The following CELF2 variants were observed in gnomAD, a reference collection of about 807,000 sequenced individuals.
CELF2 encodes the protein CUGBP Elav-like family member 2, also known as CUG triplet repeat RNA-binding protein 2.
In CELF2, 8 loss-of-function variants were observed where a neutral mutation model predicts 62.6. That is an observed-to-expected ratio of 0.13 (90% CI 0.07 to 0.23). The LOEUF is 0.23. CELF2 is among the 10% of genes least tolerant of loss of function. The pLI is 1.00. For missense variants in CELF2, 333 were observed against 671.0 expected (o/e 0.50, Z 5.56); for synonymous variants, 258 against 250.0 (o/e 1.03, Z -0.30).
chr10:11,080,761 A>G (rs762348447), intron 1 of CELF2, among the ~76,000 whole-genome samples: 1 of 152,204 alleles, frequency 6.6e-6, no homozygotes, highest in Non-Finnish European at 1.5e-5. Flanking sequence ...GTGGAGGAGG[A>G]TGCTGGACAG....
chr10:11,005,050 T>C, upstream of CELF2: 2 of 985,328 alleles, frequency 2.0e-6, no homozygotes, highest in Non-Finnish European at 2.4e-6. This position sits in a 1 kb window ranked among gnomAD's most constrained non-coding sequence, Gnocchi z 4.3. Context: ...TTTTTAAAGA[T>C]GGTAATTAGG....
At chr10:10,562,710 T>C in the CELF2 span, among the ~76,000 whole-genome samples, 3 of 147,576 alleles carry the variant, frequency 2.0e-5, no homozygotes, top group Non-Finnish European at 4.4e-5. Context: ...ATTGGTCCTT[T>C]CCCTCCTCTG....
chr10:10,747,733 G>A, the CELF2 span, among the ~76,000 whole-genome samples: 2 of 152,158 alleles, frequency 1.3e-5, no homozygotes. Flanking sequence ...TTGAGACGAA[G>A]TCTTGCTCTG....
At chr10:11,235,980 G>A (rs556817395) in intron 3 of CELF2, among the ~76,000 whole-genome samples, 1 of 152,214 alleles carries the variant, frequency 6.6e-6, no homozygotes, top group Non-Finnish European at 1.5e-5. Context: ...GCTGAGTGAG[G>A]TGTGGTATTT....
At chr10:10,719,918 C>A in the CELF2 span, among the ~76,000 whole-genome samples, 5 of 152,154 alleles carry the variant, frequency 3.3e-5, no homozygotes. Context: ...CAAAAACAGC[C>A]GTTTTCAGTT....
At chr10:10,592,462 T>C in the CELF2 span, among the ~76,000 whole-genome samples, 1 of 152,198 alleles carries the variant, frequency 6.6e-6, no homozygotes, top group Non-Finnish European at 1.5e-5. Flanking sequence ...GGGTTTCATT[T>C]AGCACCTTCC....
At chr10:10,569,593 G>A in the CELF2 span, among the ~76,000 whole-genome samples, 1 of 152,180 alleles carries the variant, frequency 6.6e-6, no homozygotes, top group African/African-American at 2.4e-5. Flanking sequence ...GGGTTAAGAT[G>A]TGTGTATCAG....
chr10:10,677,501 G>A, the CELF2 span, among the ~76,000 whole-genome samples: 78 of 152,308 alleles, frequency 5.1e-4, no homozygotes, highest in Non-Finnish European at 7.6e-4. Flanking sequence ...ATTGAAAAAT[G>A]CATATCCCTG....
intron 1 of CELF2, among the ~76,000 whole-genome samples, chr10:11,055,246 T>C (rs909654780): frequency 6.6e-6 from 1 of 152,214 alleles, no homozygotes; most frequent in South Asian, 2.1e-4. Flanking sequence ...CAAATACACA[T>C]TAACACAAAG....
chr10:11,215,221 G>C (rs551321433), intron 2 of CELF2, among the ~76,000 whole-genome samples: 1 of 152,260 alleles, frequency 6.6e-6, no homozygotes, highest in South Asian at 2.1e-4. Flanking sequence ...ATTTTGCTTG[G>C]GTGTCTGAGG....
the CELF2 span, among the ~76,000 whole-genome samples, chr10:10,690,509 G>C: frequency 1.3e-5 from 2 of 152,096 alleles, 1 homozygote; most frequent in South Asian, 4.1e-4. Context: ...ATGCCTACCC[G>C]CTCCCATCAA....
the CELF2 span, among the ~76,000 whole-genome samples, chr10:10,517,519 G>T: frequency 1.3e-5 from 2 of 152,266 alleles, no homozygotes; most frequent in East Asian, 3.9e-4. Context: ...TTTGACATGT[G>T]CCTGTCTCCT....
the CELF2 span, among the ~76,000 whole-genome samples, chr10:10,530,758 A>G: frequency 6.6e-6 from 1 of 152,236 alleles, no homozygotes. Context: ...GTCCATTGAA[A>G]GAAGAAAGAT....
intron 2 of CELF2, among the ~76,000 whole-genome samples, chr10:10,933,213 G>A (rs765894095): frequency 1.1e-4 from 16 of 152,106 alleles, no homozygotes; most frequent in Non-Finnish European, 2.1e-4. Flanking sequence ...TGAGGTGGGA[G>A]GATCTCTTAA....
chr10:10,480,699 G>A, the CELF2 span, among the ~76,000 whole-genome samples: 1 of 152,172 alleles, frequency 6.6e-6, no homozygotes, highest in Non-Finnish European at 1.5e-5. Context: ...AGATGGGTAT[G>A]TAACAACTAC....
In CELF2 at chr10:11,012,011, G is replaced by C. The variant is rs1194753087; in HGVS notation, c.53+6571G>C. Among the ~76,000 whole-genome samples the C allele has an allele frequency of 6.6e-6, 1 of 152,178 alleles. No individual in the cohort carries two copies. The highest frequency in any genetic ancestry group is 2.4e-5 in the African/African-American group (1 of 41,434). ...TTAACACATTGTACTTCTTATCTGA[G>C]GATCATGGTAGGCTTTGATTTTTCA... On this transcript the variant is annotated intron_variant, in intron 1 of 12. Coordinates refer to the CELF2 transcript ENST00000416382. The surrounding 1 kb of genome is among the most constrained non-coding windows in gnomAD (Gnocchi z 5.5).
chr10:10,809,937 A>G (rs2055670565), intron 1 of CELF2, among the ~76,000 whole-genome samples: 1 of 152,208 alleles, frequency 6.6e-6, no homozygotes, highest in African/African-American at 2.4e-5. Context: ...TTGAACCAAC[A>G]ATATTAAACT....
intron 8 of CELF2, among the ~76,000 whole-genome samples, chr10:11,279,875 G>C (rs2087681146): frequency 6.6e-6 from 1 of 152,062 alleles, no homozygotes; most frequent in African/African-American, 2.4e-5. Context: ...AACTTTCTTT[G>C]CCATCTTCTT....
At chr10:10,710,852 G>A in the CELF2 span, among the ~76,000 whole-genome samples, 3 of 152,244 alleles carry the variant, frequency 2.0e-5, no homozygotes, top group Middle Eastern at 6.8e-3. Context: ...ATACAACTGA[G>A]ACGTTGATAC....
Sources: allele counts gnomAD v4.1 joint callset (sites outside exome capture counted in the v4.1 genomes callset), GRCh38; gene constraint gnomAD v4.1.1; non-coding constraint Gnocchi (gnomAD v3.1); transcripts MANE v1.5; gene names NCBI Gene and HGNC (gene_info 2026-07-23, HGNC 2026-07-21).